CNTN5: variants seen among roughly 807,000 people sequenced by gnomAD.
CNTN5 encodes the protein contactin 5.
Under a neutral mutation model 129.1 loss-of-function variants are expected in CNTN5, and 77 were observed. That is an observed-to-expected ratio of 0.60 (90% confidence interval 0.50 to 0.72). The LOEUF is 0.72. CNTN5 is among the 30% of genes least tolerant of loss of function. CNTN5 has a pLI of 0.00. For synonymous variants in CNTN5, 509 were observed against 465.6 expected (o/e 1.09, Z -1.20); for missense variants, 1,478 against 1,328.8 (o/e 1.11, Z -1.75).
chr11:99,996,215 C>T (rs961212440), intron 8 of CNTN5, among the ~76,000 whole-genome samples: 4 of 151,922 alleles, frequency 2.6e-5, no homozygotes, highest in Admixed American at 6.6e-5. Context: ...CATCTAGTGC[C>T]TTTTGTCTGT....
chr11:99,956,664 A>G, intron 7 of CNTN5, 142 bp from the exon 8 acceptor site: 1 of 605,516 alleles, frequency 1.7e-6, no homozygotes, highest in Non-Finnish European at 2.9e-6. Flanking sequence ...TGAATATAAA[A>G]TACTAAATTA....
At chr11:99,671,554 A>G (rs554908638) in intron 3 of CNTN5, among the ~76,000 whole-genome samples, 1 of 152,256 alleles carries the variant, frequency 6.6e-6, no homozygotes, top group South Asian at 2.1e-4. Flanking sequence ...GGAGTTAATA[A>G]AGATTTTTAA....
intron 2 of CNTN5, among the ~76,000 whole-genome samples, chr11:99,474,861 G>A (rs1464742347): frequency 6.6e-6 from 1 of 152,084 alleles, no homozygotes; most frequent in African/African-American, 2.4e-5. Flanking sequence ...AACAATATTT[G>A]TTTGATAACT....
At chr11:100,339,636 A>G (rs1373453903) in intron 21 of CNTN5, among the ~76,000 whole-genome samples, 1 of 152,180 alleles carries the variant, frequency 6.6e-6, no homozygotes. Context: ...TTGAAGGTGC[A>G]GTTTCACTGG....
intron 1 of CNTN5, among the ~76,000 whole-genome samples, chr11:99,277,126 C>T (rs189140256): frequency 2.0e-5 from 3 of 151,660 alleles, no homozygotes; most frequent in African/African-American, 7.2e-5. Context: ...GAAGAATATG[C>T]TTTGTGTTGT....
At chr11:99,023,728 C>T (rs1862988967) in intron 1 of CNTN5, among the ~76,000 whole-genome samples, 1 of 152,140 alleles carries the variant, frequency 6.6e-6, no homozygotes, top group South Asian at 2.1e-4. Flanking sequence ...CATTCTTTCT[C>T]ATGTATCTTG....
intron 15 of CNTN5, among the ~76,000 whole-genome samples, chr11:100,211,900 A>T (rs183034532): frequency 8.5e-5 from 13 of 152,290 alleles, no homozygotes; most frequent in Non-Finnish European, 1.5e-4. Context: ...AATGTTTGTA[A>T]CCATGTTTTC....
At chr11:99,449,324 A>G (rs1258029047) in intron 2 of CNTN5, among the ~76,000 whole-genome samples, 1 of 152,212 alleles carries the variant, frequency 6.6e-6, no homozygotes, top group African/African-American at 2.4e-5. Context: ...CCATTAGCTA[A>G]ATAGATATTG....
At chr11:99,518,590 T>A (rs533386316) in intron 2 of CNTN5, among the ~76,000 whole-genome samples, 1 of 152,048 alleles carries the variant, frequency 6.6e-6, no homozygotes, top group African/African-American at 2.4e-5. Flanking sequence ...ATTGGAAAAG[T>A]GATCGTTCTC....
At chr11:100,104,230 G>T (rs961202156) in intron 13 of CNTN5, among the ~76,000 whole-genome samples, 1 of 151,812 alleles carries the variant, frequency 6.6e-6, no homozygotes, top group Non-Finnish European at 1.5e-5. Flanking sequence ...GAGAAGCTGG[G>T]ATTACAGGTA....
chr11:99,051,647 AAT>A (rs1864432284), intron 1 of CNTN5, among the ~76,000 whole-genome samples: 1 of 151,914 alleles, frequency 6.6e-6, no homozygotes, highest in Non-Finnish European at 1.5e-5. Flanking sequence ...TAAGAAGTAA[AAT>A]ATTTGCTGAG....
At chr11:99,784,207 C>A (rs971051875) in intron 3 of CNTN5, among the ~76,000 whole-genome samples, 1 of 151,998 alleles carries the variant, frequency 6.6e-6, no homozygotes, top group Non-Finnish European at 1.5e-5. Context: ...AGGTTTGTTA[C>A]TTAGGTATAC....
intron 1 of CNTN5, among the ~76,000 whole-genome samples, chr11:99,251,034 T>C (rs1862072937): frequency 6.6e-6 from 1 of 151,920 alleles, no homozygotes; most frequent in Admixed American, 6.6e-5. Context: ...ATTTTATTAA[T>C]ATCAGAAATA....
chr11:99,462,996 T>C (rs1944776220), intron 2 of CNTN5, among the ~76,000 whole-genome samples: 1 of 151,578 alleles, frequency 6.6e-6, no homozygotes, highest in East Asian at 1.9e-4. Context: ...TAGTCCCAGC[T>C]ACTTGGAAGG....
chr11:99,126,183 C>G (rs1418725564), intron 1 of CNTN5, among the ~76,000 whole-genome samples: 1 of 152,058 alleles, frequency 6.6e-6, no homozygotes, highest in Non-Finnish European at 1.5e-5. Flanking sequence ...AAATGTCCAC[C>G]GCAGCTCAAT....
chr11:100,335,054 C>T (rs1466262026), intron 21 of CNTN5, among the ~76,000 whole-genome samples: 1 of 149,526 alleles, frequency 6.7e-6, no homozygotes. Flanking sequence ...ATGTACTATT[C>T]TGGTGAAGGA....
At chr11:99,345,324 A>G (rs1182548124) in intron 2 of CNTN5, among the ~76,000 whole-genome samples, 1 of 152,166 alleles carries the variant, frequency 6.6e-6, no homozygotes, top group Non-Finnish European at 1.5e-5. Flanking sequence ...AGTGACGTAA[A>G]CTGAATCTAA....
intron 1 of CNTN5, among the ~76,000 whole-genome samples, chr11:99,058,718 G>T (rs931984253): frequency 3.3e-5 from 5 of 151,498 alleles, no homozygotes; most frequent in African/African-American, 7.3e-5. Context: ...TCCTTTTTCT[G>T]CCCAAAGTCT....
intron 1 of CNTN5, among the ~76,000 whole-genome samples, chr11:99,204,039 A>C (rs902243747): frequency 6.6e-6 from 1 of 152,152 alleles, no homozygotes; most frequent in Non-Finnish European, 1.5e-5. Flanking sequence ...CTTCTGTAGT[A>C]CTCTTCTATA....
Sources: allele counts gnomAD v4.1 joint callset (sites outside exome capture counted in the v4.1 genomes callset), GRCh38; gene constraint gnomAD v4.1.1; transcripts MANE v1.5; gene names NCBI Gene and HGNC (gene_info 2026-07-23, HGNC 2026-07-21).